Variants in CNTNAP2 observed in about 807,000 individuals in gnomAD.
CNTNAP2 encodes contactin-associated protein-like 2.
A neutral mutation model predicts 155.2 loss-of-function variants in CNTNAP2; 98 were observed. That is an observed-to-expected ratio of 0.63 (90% CI 0.54 to 0.75). The LOEUF is 0.75. Among genes scored for constraint, CNTNAP2 ranks in the 30% least tolerant of loss-of-function variants. The pLI is 0.00. For synonymous variants in CNTNAP2, 651 were observed against 631.2 expected (o/e 1.03, Z -0.47); for missense variants, 1,727 against 1,688.1 (o/e 1.02, Z -0.40).
intron 3 of CNTNAP2, among the ~76,000 whole-genome samples, chr7:146,864,690 A>G (rs2129205924): frequency 6.6e-6 from 1 of 152,236 alleles, no homozygotes; most frequent in Non-Finnish European, 1.5e-5. Flanking sequence ...TTAAAAACAA[A>G]ACTACTGAAA....
intron 4 of CNTNAP2, among the ~76,000 whole-genome samples, chr7:147,070,587 A>G (rs1799871485): frequency 6.6e-6 from 1 of 152,142 alleles, no homozygotes; most frequent in Admixed American, 6.5e-5. Context: ...TTAGTCTTTG[A>G]TTTCTATATA....
chr7:148,107,755 G>T (rs1398652474), intron 15 of CNTNAP2, among the ~76,000 whole-genome samples: 2 of 152,322 alleles, frequency 1.3e-5, no homozygotes, highest in Admixed American at 1.3e-4. Context: ...ATAACTCAGA[G>T]AATCTGCAAA....
intron 4 of CNTNAP2, among the ~76,000 whole-genome samples, chr7:147,080,505 A>G (rs1800100982): frequency 6.6e-6 from 1 of 151,766 alleles, no homozygotes; most frequent in Non-Finnish European, 1.5e-5. Flanking sequence ...TTGTTTGTCC[A>G]TAGTTTCATG....
chr7:147,497,029 TA>T lies in CNTNAP2; in HGVS notation c.1777+10994del, dbSNP rs373258580. The T allele has an allele frequency of 1.9e-4, 29 of 152,300 alleles. 2 individuals carry two copies. Among genetic ancestry groups the T allele is most frequent in the African/African-American group, 7.0e-4 (29 of 41,578 alleles). 9.4% of individuals were successfully genotyped at this position (152,300 alleles called of 1,614,324 possible). A position where few individuals can be genotyped will look rare whatever the true frequency, so the allele number is the denominator to read the frequency against. On this transcript the variant is annotated intron_variant, in intron 11 of 23. Transcript: ENST00000361727. ...ACCATTAATAAGCAATAGTTTCTTA[TA>T]AAAAATGCAGCCGTTTCCAAGAAAA...
At position 147,743,927 on chromosome 7, in the gene CNTNAP2, C is replaced by G. The variant is rs145314822; in HGVS notation, c.2098+104621C>G. On this transcript the variant is annotated intron_variant, in intron 13 of 23. Transcript: ENST00000361727. ...AGCCCCACCCTTCTAGTTTCGAAAC[C>G]CACCTCTGCCTTATTACCTGTGTGA... is the stretch of plus-strand genomic sequence containing the variant. 2.5e-3 allele frequency among the ~76,000 whole-genome samples: 374 copies of G among 152,228 alleles called. 2 individuals are homozygous for G. The highest frequency in any genetic ancestry group is 3.6e-3 in the Non-Finnish European group (248 of 68,018).
rs200081804 is a variant in CNTNAP2 at position 147,340,125 on chromosome 7, TCC to T, written c.1498+39836_1498+39837del. 4.7e-3 allele frequency among the ~76,000 whole-genome samples: 711 copies of T among 152,256 alleles called. 11 individuals carry two copies. The highest frequency in any genetic ancestry group is 0.016 in the African/African-American group (672 of 41,540). On this transcript the variant is annotated intron_variant, in intron 9 of 23. Transcript: ENST00000361727. ...ATTTACATAAGAGATAAAGATACTA[TCC>T]AGTAGTAACTTTAACCTGAAGGTAC...
intron 3 of CNTNAP2, among the ~76,000 whole-genome samples, chr7:147,003,853 C>T (rs567278275): frequency 6.6e-6 from 1 of 151,934 alleles, no homozygotes; most frequent in Admixed American, 6.6e-5. Flanking sequence ...ATATAGTGAG[C>T]CCCCATATTT....
At chr7:146,654,773 G>A (rs1799968354) in intron 1 of CNTNAP2, among the ~76,000 whole-genome samples, 1 of 151,350 alleles carries the variant, frequency 6.6e-6, no homozygotes, top group African/African-American at 2.4e-5. Flanking sequence ...GGGATTTTTT[G>A]TACTTTTGAA....
intron 10 of CNTNAP2, among the ~76,000 whole-genome samples, chr7:147,473,310 C>G (rs1798260203): frequency 2.0e-5 from 3 of 151,934 alleles, no homozygotes; most frequent in Non-Finnish European, 2.9e-5. Flanking sequence ...CATTAATGAC[C>G]ACATATTGAG....
chr7:146,145,480 G>A (rs1406108124), intron 1 of CNTNAP2, among the ~76,000 whole-genome samples: 2 of 152,172 alleles, frequency 1.3e-5, no homozygotes, highest in South Asian at 2.1e-4. Context: ...CAAGACATTC[G>A]GGAAAGGTAT....
At chr7:146,381,087 C>T (rs1008954579) in intron 1 of CNTNAP2, among the ~76,000 whole-genome samples, 14 of 151,962 alleles carry the variant, frequency 9.2e-5, no homozygotes, top group Non-Finnish European at 1.9e-4. Flanking sequence ...CGTGAGCCAC[C>T]GCGCCCGGCC....
intron 1 of CNTNAP2, among the ~76,000 whole-genome samples, chr7:146,157,328 C>T (rs1018528662): frequency 3.3e-5 from 5 of 152,136 alleles, no homozygotes; most frequent in South Asian, 2.1e-4. Flanking sequence ...CAGCTCCCAG[C>T]GTGAGCAACG....
At chr7:146,913,374 T>C (rs188311524) in intron 3 of CNTNAP2, among the ~76,000 whole-genome samples, 1 of 152,208 alleles carries the variant, frequency 6.6e-6, no homozygotes, top group African/African-American at 2.4e-5. Flanking sequence ...TCCTAGAAGG[T>C]GAAAAAGTTT....
At chr7:146,127,968 A>G (rs1382273936) in intron 1 of CNTNAP2, among the ~76,000 whole-genome samples, 5 of 152,140 alleles carry the variant, frequency 3.3e-5, no homozygotes, top group African/African-American at 2.4e-5. Context: ...AGTTACTTCT[A>G]TTCTATTTGT....
chr7:148,117,783 T>G (rs905376652), intron 15 of CNTNAP2, among the ~76,000 whole-genome samples: 14 of 151,548 alleles, frequency 9.2e-5, no homozygotes, highest in African/African-American at 3.4e-4. Context: ...TCTTTATTGT[T>G]ATATAATTAT....
chr7:147,290,168 G>A (rs773492626), intron 8 of CNTNAP2, among the ~76,000 whole-genome samples: 23 of 152,090 alleles, frequency 1.5e-4, no homozygotes, highest in Non-Finnish European at 2.9e-4. Flanking sequence ...TGTTTTGTGT[G>A]TGTTTCTGTT....
chr7:146,126,388 AAG>A (rs1272369795), intron 1 of CNTNAP2, among the ~76,000 whole-genome samples: 1 of 152,226 alleles, frequency 6.6e-6, no homozygotes, highest in Admixed American at 6.5e-5. Flanking sequence ...ATTTGAAATA[AAG>A]AGAGGAATGC....
At chr7:147,408,827 G>A (rs1479112282) in intron 10 of CNTNAP2, among the ~76,000 whole-genome samples, 2 of 152,168 alleles carry the variant, frequency 1.3e-5, no homozygotes. Flanking sequence ...GCAATACGCA[G>A]CCATTGAGGG....
At chr7:146,403,597 G>C (rs1795744891) in intron 1 of CNTNAP2, among the ~76,000 whole-genome samples, 1 of 152,010 alleles carries the variant, frequency 6.6e-6, no homozygotes, top group African/African-American at 2.4e-5. Context: ...CCCTAATAAA[G>C]TATATTTTGG....
Sources: gnomAD v4.1 joint callset for allele counts (sites outside exome capture counted in the v4.1 genomes callset) on GRCh38, gnomAD v4.1.1 for gene constraint, MANE v1.5 for transcripts, NCBI Gene and HGNC (gene_info 2026-07-23, HGNC 2026-07-21) for gene names.